Variants in MAPK8IP3 observed in about 807,000 individuals in gnomAD.
The protein encoded by MAPK8IP3 is C-Jun-amino-terminal kinase-interacting protein 3.
In MAPK8IP3, 49 loss-of-function variants were observed where a neutral mutation model predicts 157.8. The ratio of observed to expected loss-of-function variants is 0.31; its 90% CI spans 0.25 to 0.39. The LOEUF (loss-of-function observed/expected upper bound fraction) is 0.39. Ranked by LOEUF, MAPK8IP3 falls within the 10% of genes least tolerant of loss-of-function variation. The probability of loss-of-function intolerance (pLI) is 1.00; values close to 1 mark genes in which losing one functional copy is unlikely to be tolerated. For synonymous variants in MAPK8IP3, 897 were observed against 777.7 expected, an observed-to-expected ratio of 1.15 and a Z score of -2.55; for missense variants, 1,478 against 1,889.4, an observed-to-expected ratio of 0.78 and a Z score of 4.04.
intron 7 of MAPK8IP3, 30 bp from the exon 8 acceptor site, chr16:1,748,572 C>G: frequency 6.4e-7 from 1 of 1,573,202 alleles, no homozygotes; most frequent in Non-Finnish European, 8.7e-7. Context: ...ACTGACTCTG[C>G]TCTCTCTCCC....
At chr16:1,746,849 C>T (rs935066390) in intron 5 of MAPK8IP3, 180 bp from the exon 6 acceptor site, 6 of 687,568 alleles carry the variant, frequency 8.7e-6, no homozygotes, top group Admixed American at 3.0e-5. Flanking sequence ...CAGAGCCACT[C>T]GGGAGTGGTG....
intron 4 of MAPK8IP3, among the ~76,000 whole-genome samples, chr16:1,740,155 ACCGT>A (rs1341237693): frequency 8.4e-6 from 1 of 119,400 alleles, no homozygotes; most frequent in African/African-American, 3.3e-5. Context: ...CTTCCGTGTG[ACCGT>A]CCGTGTGAGC....
chr16:1,735,474 AGT>A (rs1215734779), intron 4 of MAPK8IP3, among the ~76,000 whole-genome samples: 3 of 71,836 alleles, frequency 4.2e-5, no homozygotes, highest in Non-Finnish European at 5.2e-5. Context: ...TCCGTGTGAG[AGT>A]GTGACCGTCC....
intron 18 of MAPK8IP3, 40 bp downstream of exon 18, chr16:1,764,250 C>T (rs1356019754): frequency 2.5e-6 from 4 of 1,598,680 alleles, no homozygotes; most frequent in Admixed American, 1.7e-5. Context: ...GCTGGGCGAG[C>T]GGGAGGCTGG....
At chr16:1,756,280 A>G (rs909215368) in intron 8 of MAPK8IP3, among the ~76,000 whole-genome samples, 15 of 152,360 alleles carry the variant, frequency 9.8e-5, no homozygotes, top group African/African-American at 3.6e-4. Context: ...ATGCCTGCCA[A>G]GGCAGGTGGA....
rs1486330898 is a variant in MAPK8IP3, at chr16:1,726,767, TC to T, written c.439+2092del. On this transcript the variant is annotated intron_variant, in intron 2 of 31. Transcript: ENST00000610761. ...TGCAGAGAGCAGGCCCCGGGCTCCC[TC>T]CAGGTGGTGGCTATACTCTGCCCCA... Among the ~76,000 whole-genome samples the T allele has an allele frequency of 3.3e-5, 5 of 152,296 alleles. No homozygotes were observed. In the East Asian group the frequency reaches 9.6e-4, roughly 29 times the overall value.
chr16:1,713,452 T>C (rs1490659287), intron 1 of MAPK8IP3: 1 of 152,228 alleles, frequency 6.6e-6, no homozygotes, highest in African/African-American at 2.4e-5. Flanking sequence ...CTGTGGGCAG[T>C]CTAGCTGAGC....
At chr16:1,738,914 C>A (rs1196797980) in intron 4 of MAPK8IP3, among the ~76,000 whole-genome samples, 3 of 104,660 alleles carry the variant, frequency 2.9e-5, no homozygotes, top group African/African-American at 1.2e-4. Flanking sequence ...CGTGTAGCAT[C>A]CATGTGTGTG....
chr16:1,719,786 C>T (rs372876484), intron 1 of MAPK8IP3, among the ~76,000 whole-genome samples: 10 of 151,578 alleles, frequency 6.6e-5, no homozygotes, highest in Admixed American at 5.9e-4. Context: ...GTCAAGGCTG[C>T]AGTGGGTGAC....
intron 8 of MAPK8IP3, among the ~76,000 whole-genome samples, chr16:1,756,992 A>C (rs1364297477): frequency 6.6e-6 from 1 of 152,148 alleles, no homozygotes; most frequent in African/African-American, 2.4e-5. Context: ...GGCCGTGAGC[A>C]GTGGTTGCCC....
chr16:1,748,781 G>T lies in MAPK8IP3; in HGVS notation c.1216+61G>T, dbSNP rs762373984. On this transcript the variant is annotated intron_variant, in intron 8 of 31. Transcript: ENST00000610761. ...CACAATGCTGGGGCTTTCTGCTGTT[G>T]GTTTTGTTTGTAATGAAAGGAAAGT... 32 of 1,446,016 alleles carry T rather than the reference G, an allele frequency of 2.2e-5. 1 individual carries two copies. In the South Asian group the frequency reaches 3.7e-4, roughly 17 times the overall value. 89.6% of individuals were successfully genotyped at this position (1,446,016 alleles called of 1,614,324 possible). A position where few individuals can be genotyped will look rare whatever the true frequency, so the allele number is the denominator to read the frequency against.
intron 2 of MAPK8IP3, among the ~76,000 whole-genome samples, chr16:1,725,326 T>C (rs2038803474): frequency 6.7e-6 from 1 of 148,738 alleles, no homozygotes; most frequent in Non-Finnish European, 1.5e-5. Flanking sequence ...AGAGACCTCA[T>C]CTCTTAAAAA....
chr16:1,756,515 G>A (rs973050712), intron 8 of MAPK8IP3, among the ~76,000 whole-genome samples: 4 of 151,808 alleles, frequency 2.6e-5, no homozygotes, highest in African/African-American at 9.7e-5. Flanking sequence ...AGGCACAGTG[G>A]CTCACACCCG....
chr16:1,763,341 G>A (rs1054334822), intron 16 of MAPK8IP3, among the ~76,000 whole-genome samples: 2 of 152,274 alleles, frequency 1.3e-5, no homozygotes, highest in African/African-American at 4.8e-5. Context: ...GGTCATGCCT[G>A]TGCCCCGGCG....
Position 1,766,228 on chromosome 16 carries a change from G to A in MAPK8IP3, c.2638G>A (p.Ala880Thr), listed in dbSNP as rs759843226. The A allele has an allele frequency of 4.4e-6, 7 of 1,609,054 alleles. No individual in the cohort carries two copies. The highest frequency in any genetic ancestry group is 2.2e-5 in the South Asian group (2 of 91,008). The change falls in exon 22 of 32, where the codon GCC (alanine) becomes ACC (threonine). Residue 880 changes from alanine (A) to threonine (T), a missense_variant. This residue lies in a region of MAPK8IP3 where 669 missense variants were observed against 759.8 expected (regional missense o/e 0.88). Transcript: ENST00000610761. Reference protein sequence around the residue: ...PVLDKGQGEVATIANGKVNPS... With the variant: ...PVLDKGQGEVTTIANGKVNPS... ...CACCTCTCCTAACACAGGGGAGGTG[G>A]CCACCATCGCCAACGGGAAGGTCAA...
chr16:1,763,619 C>T, intron 16 of MAPK8IP3, 38 bp from the exon 17 acceptor site: 1 of 1,502,774 alleles, frequency 6.7e-7, no homozygotes, highest in Non-Finnish European at 8.9e-7. Context: ...GGGCCGCTCA[C>T]CCTGGACAGA....
chr16:1,768,622 C>A lies in MAPK8IP3; in HGVS notation c.3888C>A (p.Arg1296=), dbSNP rs201421031. 2 of 1,603,650 alleles carry A rather than the reference C, an allele frequency of 1.2e-6. No individual in the cohort carries two copies. The highest frequency in any genetic ancestry group is 1.7e-6 in the Non-Finnish European group (2 of 1,175,504). ...LSGGEGYIDF[R]IGDGEDDETE... Reference sequence around the variant, plus strand: ...GCGGGGAGGGCTACATCGACTTCCGCATTGGTGAGCGGGGCCCAGGGACAG... The same window carrying A: ...GCGGGGAGGGCTACATCGACTTCCGAATTGGTGAGCGGGGCCCAGGGACAG... The change falls in exon 31 of 32, where the codon CGC becomes CGA. Residue 1296 remains arginine, a synonymous_variant. Transcript: ENST00000610761.
rs527257883 is a variant in MAPK8IP3 at position 1,765,905 on chromosome 16, G to A, written c.2447-55G>A. ...CTGCCCCTGTGTAAGTGCTGGGCAC[G>A]CCCTTGCAGTAGTGGGTTCCCCCGC... On this transcript the variant is annotated intron_variant, in intron 20 of 31. Transcript: ENST00000610761. 2.3e-5 allele frequency: 35 copies of A among 1,501,954 alleles called. No homozygotes were observed. In the South Asian group the frequency reaches 2.5e-4, roughly 11 times the overall value. The allele number at this position is 1,501,954 out of a possible 1,614,324, so 93.0% of individuals were successfully genotyped here. A position where few individuals can be genotyped will look rare whatever the true frequency, so the allele number is the denominator to read the frequency against.
intron 22 of MAPK8IP3, 46 bp from the exon 23 acceptor site, chr16:1,766,482 AG>A: frequency 6.2e-7 from 1 of 1,603,982 alleles, no homozygotes; most frequent in South Asian, 1.1e-5. Flanking sequence ...GTCTTGGGGC[AG>A]GTGCGTGCTC....
Sources: gnomAD v4.1 joint callset for allele counts (sites outside exome capture counted in the v4.1 genomes callset) on GRCh38, gnomAD v4.1.1 for gene constraint, gnomAD v4.1.1 regional missense constraint, MANE v1.5 for transcripts, NCBI Gene and HGNC (gene_info 2026-07-23, HGNC 2026-07-21) for gene names.